FHIT: variants seen among roughly 807,000 people sequenced by gnomAD.
FHIT encodes the protein fragile histidine triad diadenosine triphosphatase, also known as bis(5'-adenosyl)-triphosphatase.
In FHIT, 19 loss-of-function variants were observed where a neutral mutation model predicts 17.9. The observed-to-expected ratio is 1.06, with a 90% confidence interval of 0.74 to 1.56. FHIT has a LOEUF of 1.56. Ranked by LOEUF, FHIT falls within the 40% of genes most tolerant of loss-of-function variation. FHIT has a pLI of 0.00. For missense variants in FHIT, 248 were observed against 189.2 expected (o/e 1.31, Z -1.82); for synonymous variants, 81 against 69.7 (o/e 1.16, Z -0.81).
At chr3:59,803,423 T>C (rs368569342) in intron 8 of FHIT, among the ~76,000 whole-genome samples, 174 of 152,282 alleles carry the variant, frequency 1.1e-3, no homozygotes, top group Middle Eastern at 0.01. Context: ...CTTGCTTCCA[T>C]GGAGAAGAGA....
At chr3:60,353,263 T>C (rs1699501603) in intron 5 of FHIT, among the ~76,000 whole-genome samples, 1 of 151,990 alleles carries the variant, frequency 6.6e-6, no homozygotes, top group Admixed American at 6.6e-5. Flanking sequence ...CCTAAAACAT[T>C]AAAAAAAGTG....
intron 5 of FHIT, among the ~76,000 whole-genome samples, chr3:60,304,795 A>G (rs1264160779): frequency 6.6e-6 from 1 of 152,148 alleles, no homozygotes; most frequent in Non-Finnish European, 1.5e-5. Context: ...AATTTCATCA[A>G]TTCTCAGTAT....
intron 8 of FHIT, among the ~76,000 whole-genome samples, chr3:59,856,978 T>G (rs1702184697): frequency 6.6e-6 from 1 of 152,010 alleles, no homozygotes. Context: ...TTTCAACAAC[T>G]CACCCAAAGT....
intron 8 of FHIT, among the ~76,000 whole-genome samples, chr3:59,902,912 G>A (rs1428959106): frequency 5.9e-5 from 9 of 152,274 alleles, no homozygotes; most frequent in African/African-American, 1.9e-4. Context: ...TTGTATACTT[G>A]AAATTTGCTG....
intron 3 of FHIT, among the ~76,000 whole-genome samples, chr3:61,035,537 T>C (rs995585581): frequency 5.8e-4 from 89 of 152,310 alleles, no homozygotes; most frequent in African/African-American, 2.1e-3. Context: ...ATAACTTTAA[T>C]TGATATGGTA....
chr3:60,773,790 T>A (rs982705530), intron 4 of FHIT, among the ~76,000 whole-genome samples: 6 of 152,270 alleles, frequency 3.9e-5, no homozygotes, highest in Admixed American at 1.3e-4. Context: ...AGAGAAATTA[T>A]TGTGACTTAT....
At chr3:60,545,155 G>A (rs534470310) in intron 4 of FHIT, among the ~76,000 whole-genome samples, 1 of 150,924 alleles carries the variant, frequency 6.6e-6, no homozygotes, top group South Asian at 2.1e-4. Context: ...CATAATACTG[G>A]TAAAAACTTA....
chr3:61,052,233 C>G (rs987130161), intron 2 of FHIT, among the ~76,000 whole-genome samples: 7 of 152,214 alleles, frequency 4.6e-5, no homozygotes, highest in African/African-American at 1.7e-4. Context: ...TGGCTGAACC[C>G]TGATGCAGTA....
At chr3:60,570,047 C>T (rs2107660593) in intron 4 of FHIT, among the ~76,000 whole-genome samples, 1 of 152,104 alleles carries the variant, frequency 6.6e-6, no homozygotes, top group Admixed American at 6.5e-5. Flanking sequence ...AATTCCAAAG[C>T]CCAGACTATG....
intron 5 of FHIT, among the ~76,000 whole-genome samples, chr3:60,317,347 T>G (rs1048396937): frequency 6.6e-6 from 1 of 151,824 alleles, no homozygotes; most frequent in Admixed American, 6.6e-5. Context: ...TTGTAATTGA[T>G]AAATGAAAAA....
chr3:61,120,145 T>C (rs1195891443), intron 2 of FHIT, among the ~76,000 whole-genome samples: 1 of 152,196 alleles, frequency 6.6e-6, no homozygotes, highest in Non-Finnish European at 1.5e-5. Flanking sequence ...CCAGGGCATG[T>C]TACTTTATAC....
intron 4 of FHIT, among the ~76,000 whole-genome samples, chr3:60,763,279 T>G (rs1373439910): frequency 6.6e-6 from 1 of 152,222 alleles, no homozygotes; most frequent in Non-Finnish European, 1.5e-5. Flanking sequence ...ACTGTAAGTC[T>G]GTTATGATTG....
chr3:59,788,236 G>A lies in FHIT; in HGVS notation c.349-35915C>T, dbSNP rs148451679. Among the ~76,000 whole-genome samples the A allele has an allele frequency of 3.7e-3, 570 of 152,224 alleles. 6 individuals are homozygous for A. Among genetic ancestry groups the A allele is most frequent in the Non-Finnish European group, 4.1e-3 (278 of 68,012 alleles). On this transcript the variant is annotated intron_variant, in intron 8 of 9. Transcript: ENST00000492590. Reference sequence around the variant, plus strand: ...AGTAGAAGTCACACATACCCAAGGCGAGGCTGCCCTCCTCTAGTGAACTGC... The same window carrying A: ...AGTAGAAGTCACACATACCCAAGGCAAGGCTGCCCTCCTCTAGTGAACTGC...
chr3:60,827,755 A>G (rs1330705787), intron 3 of FHIT, among the ~76,000 whole-genome samples: 2 of 152,208 alleles, frequency 1.3e-5, no homozygotes, highest in African/African-American at 4.8e-5. Flanking sequence ...GGTGATAAGA[A>G]CATCTCTCTC....
At chr3:60,837,890 T>C (rs1179257443) in intron 3 of FHIT, among the ~76,000 whole-genome samples, 1 of 152,160 alleles carries the variant, frequency 6.6e-6, no homozygotes, top group African/African-American at 2.4e-5. Flanking sequence ...TCTCCGCACT[T>C]TGCATCCCTT....
At chr3:60,850,715 C>A (rs1703121930) in intron 3 of FHIT, among the ~76,000 whole-genome samples, 1 of 152,106 alleles carries the variant, frequency 6.6e-6, no homozygotes, top group East Asian at 1.9e-4. Flanking sequence ...TATAAAGCTC[C>A]TCTCCTCAGC....
intron 3 of FHIT, among the ~76,000 whole-genome samples, chr3:60,837,338 A>T (rs975364780): frequency 1.3e-5 from 2 of 152,170 alleles, no homozygotes; most frequent in South Asian, 4.1e-4. Flanking sequence ...GCCTAGTTAC[A>T]ATATTGGTAA....
intron 4 of FHIT, among the ~76,000 whole-genome samples, chr3:60,550,133 A>G (rs2036497011): frequency 6.6e-6 from 1 of 152,210 alleles, no homozygotes; most frequent in African/African-American, 2.4e-5. Flanking sequence ...CTTGAGAGGA[A>G]CAATGCCCTG....
chr3:60,098,768 T>C (rs1335374622), intron 5 of FHIT, among the ~76,000 whole-genome samples: 1 of 152,208 alleles, frequency 6.6e-6, no homozygotes. Context: ...GAAAACAGTA[T>C]ATAATACATA....
Sources: allele counts gnomAD v4.1 joint callset (sites outside exome capture counted in the v4.1 genomes callset), GRCh38; gene constraint gnomAD v4.1.1; transcripts MANE v1.5; gene names NCBI Gene and HGNC (gene_info 2026-07-23, HGNC 2026-07-21).